The following STX18 variants were observed in gnomAD, a reference collection of about 807,000 sequenced individuals.
STX18 encodes syntaxin 18.
In STX18, 40 loss-of-function variants were observed where a neutral mutation model predicts 50.1. That is an observed-to-expected ratio of 0.80 (90% CI 0.62 to 1.04). The LOEUF (loss-of-function observed/expected upper bound fraction) is 1.04, where lower values mean the gene tolerates loss of function less well. STX18 is among the 50% of genes least tolerant of loss of function. The pLI, the probability that STX18 is intolerant of heterozygous loss-of-function variation, is 0.00. For missense variants in STX18, 410 were observed against 415.8 expected (o/e 0.99, Z 0.12); for synonymous variants, 158 against 151.8 (o/e 1.04, Z -0.30).
At chr4:4,497,513 G>A (rs1054357765) in intron 1 of STX18, among the ~76,000 whole-genome samples, 1 of 152,074 alleles carries the variant, frequency 6.6e-6, no homozygotes, top group Non-Finnish European at 1.5e-5. Context: ...GTTTTATACT[G>A]TCCTACAAAC....
intron 1 of STX18, among the ~76,000 whole-genome samples, chr4:4,521,948 T>C (rs1235471020): frequency 6.6e-6 from 1 of 152,192 alleles, no homozygotes; most frequent in Non-Finnish European, 1.5e-5. Flanking sequence ...AACTTAATTA[T>C]CTGCAGGACA....
intron 2 of STX18, among the ~76,000 whole-genome samples, chr4:4,461,425 T>C (rs1727373028): frequency 6.6e-6 from 1 of 152,170 alleles, no homozygotes; most frequent in Non-Finnish European, 1.5e-5. Flanking sequence ...TCTGCTCTAG[T>C]AAAATGTCAT....
intron 5 of STX18, among the ~76,000 whole-genome samples, chr4:4,442,379 T>A (rs1726160557): frequency 6.6e-6 from 1 of 150,702 alleles, no homozygotes; most frequent in Non-Finnish European, 1.5e-5. Context: ...ATCCCAGCAC[T>A]TTGGGAGGCC....
In STX18 at chr4:4,541,744, T is replaced by C. The variant is rs1306240604; in HGVS notation, c.168+53A>G. 3.9e-6 allele frequency: 6 copies of C among 1,555,794 alleles called. No individual in the cohort carries two copies. In the African/African-American group the frequency reaches 6.9e-5, roughly 18 times the overall value. ...GGTCTGGTTTGGGGCCCGGGGTCCC[T>C]GTCGCAGGACTGCCCCCTCCTCAAC... On this transcript the variant is annotated intron_variant, in intron 1 of 10. Coordinates refer to ENST00000306200, the MANE Select transcript of STX18 (RefSeq NM_016930.4).
chr4:4,485,890 G>A (rs1228507429), intron 1 of STX18, among the ~76,000 whole-genome samples: 2 of 152,170 alleles, frequency 1.3e-5, no homozygotes, highest in African/African-American at 2.4e-5. Flanking sequence ...GCACGGAACA[G>A]TCTTTGACTC....
chr4:4,526,636 G>A (rs1258533040), intron 1 of STX18, among the ~76,000 whole-genome samples: 1 of 152,164 alleles, frequency 6.6e-6, no homozygotes, highest in Non-Finnish European at 1.5e-5. Context: ...AAGCAAATAT[G>A]CTTGTACTGG....
At chr4:4,489,391 A>ATCTTTTTT (rs1728839990) in intron 1 of STX18, among the ~76,000 whole-genome samples, 1 of 51,600 alleles carries the variant, frequency 1.9e-5, no homozygotes. Context: ...ATGCAAAATA[A>ATCTTTTTT]TTTTTTTTTT....
Position 4,420,419 on chromosome 4 carries a change from G to A in STX18, c.913-290C>T, listed in dbSNP as rs576601252. ...TAAGGGCCCCGAGCAGAGTGTGACC[G>A]CAAGCTTTGTGTTTCCCAGTAACAT... On this transcript the variant is annotated intron_variant, in intron 10 of 10. Coordinates refer to ENST00000306200, the MANE Select transcript of STX18 (RefSeq NM_016930.4). This position sits in a 1 kb window ranked among gnomAD's most constrained non-coding sequence, Gnocchi z 4.3. 2.8e-5 allele frequency: 12 copies of A among 433,190 alleles called. No homozygotes were observed. The East Asian group carries it at 3.1e-4, about 11-fold the overall frequency. 26.8% of individuals were successfully genotyped at this position (433,190 alleles called of 1,614,324 possible).
At chr4:4,500,537 CCA>C (rs756294892) in intron 1 of STX18, among the ~76,000 whole-genome samples, 2 of 152,170 alleles carry the variant, frequency 1.3e-5, no homozygotes, top group South Asian at 2.1e-4. Context: ...ACCTGAGCAT[CCA>C]CAGAGTTTGG....
intron 1 of STX18, among the ~76,000 whole-genome samples, chr4:4,489,853 T>C (rs1356044434): frequency 1.3e-5 from 2 of 152,170 alleles, no homozygotes; most frequent in Admixed American, 6.5e-5. Flanking sequence ...GAGACTCAAA[T>C]TATATCTTTT....
intron 5 of STX18, among the ~76,000 whole-genome samples, chr4:4,444,402 C>T (rs893514589): frequency 6.6e-6 from 1 of 152,170 alleles, no homozygotes; most frequent in Non-Finnish European, 1.5e-5. Flanking sequence ...GAGTTAACTA[C>T]GGCCTGCTAT....
chr4:4,485,379 A>T (rs1315332234), intron 1 of STX18, among the ~76,000 whole-genome samples: 1 of 152,202 alleles, frequency 6.6e-6, no homozygotes, highest in Non-Finnish European at 1.5e-5. Context: ...TGAAAAGCAT[A>T]CACAATTCAA....
chr4:4,520,062 A>G (rs1730443429), intron 1 of STX18, among the ~76,000 whole-genome samples: 1 of 152,338 alleles, frequency 6.6e-6, no homozygotes, highest in Non-Finnish European at 1.5e-5. Flanking sequence ...TATTTGCAAC[A>G]TTCCTTCACA....
chr4:4,425,372 A>G, intron 7 of STX18, 150 bp from the exon 8 acceptor site: 1 of 683,682 alleles, frequency 1.5e-6, no homozygotes. Context: ...GACCGTTAGC[A>G]TTAGTGTGAA....
chr4:4,434,337 G>T (rs186410662), intron 7 of STX18, among the ~76,000 whole-genome samples: 13 of 152,298 alleles, frequency 8.5e-5, no homozygotes, highest in Non-Finnish European at 1.6e-4. Context: ...GAAACCAGAA[G>T]GCAGGTAACT....
intron 1 of STX18, among the ~76,000 whole-genome samples, chr4:4,496,971 G>A (rs1729207171): frequency 1.3e-5 from 2 of 152,220 alleles, no homozygotes; most frequent in Admixed American, 1.3e-4. Flanking sequence ...GAAGACTTAA[G>A]TAGAGTGCCT....
At chr4:4,449,042 CTTTTTTT>C (rs34106688) in intron 5 of STX18, among the ~76,000 whole-genome samples, 3 of 110,192 alleles carry the variant, frequency 2.7e-5, no homozygotes, top group Admixed American at 9.4e-5. Flanking sequence ...GGACCCCATT[CTTTTTTT>C]TTTTTTTTTT....
At position 4,420,067 on chromosome 4, in the gene STX18, G is replaced by C. The variant is rs547494020; in HGVS notation, c.975C>G (p.Phe325Leu). 6.2e-7 allele frequency: 1 copy of C among 1,613,448 alleles called. No individual in the cohort carries two copies. Among genetic ancestry groups the C allele is most frequent in the African/African-American group, 1.3e-5 (1 of 75,038 alleles). Residue 325 changes from phenylalanine to leucine, a missense_variant, in exon 11 of 11, where the codon TTC becomes TTG. Physicochemically the swap from Phe to Leu is conservative, Grantham distance 22. Coordinates refer to ENST00000306200, the MANE Select transcript of STX18 (RefSeq NM_016930.4). This position sits in a 1 kb window ranked among gnomAD's most constrained non-coding sequence, Gnocchi z 4.3. ...CGTACCAGTCGAGGAAGAGCAAGGA[G>C]AAGGAGCACATCACGAGGAAGAAGA... is the stretch of plus-strand genomic sequence containing the variant. ...WILFFLVMCS[F>L]SLLFLDWYDS
chr4:4,443,908 G>C (rs1726252808), intron 5 of STX18, among the ~76,000 whole-genome samples: 1 of 152,238 alleles, frequency 6.6e-6, no homozygotes, highest in African/African-American at 2.4e-5. Context: ...CAGCAGGTTT[G>C]TGGTGTTCAA....
Sources: gnomAD v4.1 joint callset for allele counts (sites outside exome capture counted in the v4.1 genomes callset) on GRCh38, gnomAD v4.1.1 for gene constraint, Gnocchi (gnomAD v3.1) non-coding constraint, MANE v1.5 for transcripts, NCBI Gene and HGNC (gene_info 2026-07-23, HGNC 2026-07-21) for gene names.